Variants in CDHR5 observed in about 807,000 individuals in gnomAD.
The protein encoded by CDHR5 is cadherin related family member 5, also known as cadherin-related family member 5.
Under a neutral mutation model 69.5 loss-of-function variants are expected in CDHR5, and 82 were observed. The observed-to-expected ratio is 1.18, with a 90% CI of 0.99 to 1.42. CDHR5 has a LOEUF of 1.42. Ranked by LOEUF, CDHR5 falls within the 40% of genes most tolerant of loss-of-function variation. The pLI is 0.00. For synonymous variants in CDHR5, 601 were observed against 510.2 expected (o/e 1.18, Z -2.40); for missense variants, 1,293 against 1,168.9 (o/e 1.11, Z -1.55).
Position 621,821 on chromosome 11 carries a change from C to T in CDHR5, c.396G>A (p.Arg132=), listed in dbSNP as rs1334803171. The part of the protein sequence containing the change: ...PEFPFKTKEI[R]VEEDTKVNST... ...GCTTCGCTGGCCTCACCTCCTCCAC[C>T]CTTATCTCCTTGGTCTTAAAGGGGA... The change falls in exon 4 of 15, where the codon AGG becomes AGA. Residue 132 remains arginine, a synonymous_variant. Transcript: ENST00000397542. This position sits in a 1 kb window ranked among gnomAD's most constrained non-coding sequence, Gnocchi z 4.4. 6.2e-7 allele frequency: 1 copy of T among 1,613,172 alleles called. No homozygotes were observed. The highest frequency in any genetic ancestry group is 2.2e-5 in the East Asian group (1 of 44,878).
At position 621,256 on chromosome 11, in the gene CDHR5, A is replaced by T; in HGVS notation, c.619-6T>A. The T allele has an allele frequency of 6.2e-7, 1 of 1,602,964 alleles. No individual in the cohort carries two copies. The highest frequency in any genetic ancestry group is 8.5e-7 in the Non-Finnish European group (1 of 1,173,008). On this transcript the variant is annotated splice_region_variant and splice_polypyrimidine_tract_variant and intron_variant, in intron 6 of 14. Transcript: ENST00000397542. The surrounding 1 kb of genome is among the most constrained non-coding windows in gnomAD (Gnocchi z 4.4). ...ACATTCTCCCCCGGAGTGTCCTGCA[A>T]CAGACGGCTGTGCTGGATCAGGCCT... is the stretch of plus-strand genomic sequence containing the variant.
Position 624,446 on chromosome 11 carries a change from C to T in CDHR5, c.261+111G>A. On this transcript the variant is annotated intron_variant, in intron 2 of 14. Transcript: ENST00000397542. This position sits in a 1 kb window ranked among gnomAD's most constrained non-coding sequence, Gnocchi z 5.3. Reference sequence around the variant, plus strand: ...GGCAGGCACCACCAAGCATGGGTGTCAGTGGATGCCCGCAGGCATAGAACT... The same window carrying T: ...GGCAGGCACCACCAAGCATGGGTGTTAGTGGATGCCCGCAGGCATAGAACT... 9.0e-7 allele frequency: 1 copy of T among 1,110,284 alleles called. No individual in the cohort carries two copies. The highest frequency in any genetic ancestry group is 1.4e-6 in the Non-Finnish European group (1 of 728,552). The allele number at this position is 1,110,284 out of a possible 1,614,324, so 68.8% of individuals were successfully genotyped here. A position where few individuals can be genotyped will look rare whatever the true frequency, so the allele number is the denominator to read the frequency against.
Position 624,563 on chromosome 11 carries a change from A to C in CDHR5, c.255T>G (p.Asp85Glu). ...GNQLFLNVTP[D>E]YEEKSLLEAQ... is the part of the protein sequence containing the mutation. ...GCCCGCCTGCCGCCCACACCTCGTA[A>C]TCAGGAGTCACGTTGAGAAACAGCT... is the stretch of plus-strand genomic sequence containing the variant. Residue 85 changes from aspartate to glutamate, a missense_variant, in exon 2 of 15, where the codon GAT becomes GAG. By Grantham distance (45) the Asp-to-Glu change is conservative. Transcript: ENST00000397542. This position sits in a 1 kb window ranked among gnomAD's most constrained non-coding sequence, Gnocchi z 5.3. The C allele has an allele frequency of 5.0e-6, 8 of 1,606,838 alleles. No homozygotes were observed. The highest frequency in any genetic ancestry group is 6.0e-6 in the Non-Finnish European group (7 of 1,175,102).
rs1018480882 is a variant in CDHR5, at chr11:621,547, G to A, written c.507+15C>T. Reference sequence around the variant, plus strand: ...GGCGAGGGGCTCGTGCTGGGGCAGGGTGGGCGGCACTGACTGCTGTCATTT... The same window carrying A: ...GGCGAGGGGCTCGTGCTGGGGCAGGATGGGCGGCACTGACTGCTGTCATTT... On this transcript the variant is annotated intron_variant, in intron 5 of 14. Transcript: ENST00000397542. The surrounding 1 kb of genome is among the most constrained non-coding windows in gnomAD (Gnocchi z 4.4). 1 of 1,605,056 alleles carries A rather than the reference G, an allele frequency of 6.2e-7. No individual in the cohort carries two copies. Among genetic ancestry groups the A allele is most frequent in the South Asian group, 1.1e-5 (1 of 90,896 alleles).
Position 621,949 on chromosome 11 carries a change from G to T in CDHR5, c.313-45C>A. ...GCCTCTCCCACAGCCCCTCCCCGTT[G>T]TGAGGTGCACCCCTCGACGGCTATC... On this transcript the variant is annotated intron_variant, in intron 3 of 14. Coordinates refer to ENST00000397542, the MANE Select transcript of CDHR5 (RefSeq NM_021924.5). The surrounding 1 kb of genome is among the most constrained non-coding windows in gnomAD (Gnocchi z 4.4). The T allele has an allele frequency of 6.7e-7, 1 of 1,491,958 alleles. No individual in the cohort carries two copies. The allele number at this position is 1,491,958 out of a possible 1,614,324, so 92.4% of individuals were successfully genotyped here. A position where few individuals can be genotyped will look rare whatever the true frequency, so the allele number is the denominator to read the frequency against.
chr11:622,993 C>G (rs1857509431), intron 3 of CDHR5, among the ~76,000 whole-genome samples: 2 of 151,926 alleles, frequency 1.3e-5, no homozygotes, highest in African/African-American at 2.4e-5. Context: ...CATCTTTTTT[C>G]CTGGAGATTT....
At position 624,819 on chromosome 11, in the gene CDHR5, C is replaced by T. The variant is rs202054195; in HGVS notation, c.84G>A (p.Gln28=). 1.2e-6 allele frequency: 2 copies of T among 1,608,728 alleles called. No individual in the cohort carries two copies. The highest frequency in any genetic ancestry group is 8.5e-7 in the Non-Finnish European group (1 of 1,177,978). Residue 28 remains glutamine, a splice_region_variant and synonymous_variant, in exon 1 of 15, where the codon CAG becomes CAA. Transcript: ENST00000397542. This position sits in a 1 kb window ranked among gnomAD's most constrained non-coding sequence, Gnocchi z 5.3. The part of the protein sequence containing the change: ...VRPPGTMAQA[Q]YCSVNKDIFE... ...CCACCTACCCCTGCCCGCACATACA[C>T]TGGGCCTGGGCCATGGTCCCCGGGG... is the stretch of plus-strand genomic sequence containing the variant.
Position 624,574 on chromosome 11 carries a change from C to T in CDHR5, c.244G>A (p.Val82Met), listed in dbSNP as rs779436352. The T allele has an allele frequency of 8.7e-6, 14 of 1,607,372 alleles. No individual in the cohort carries two copies. Among genetic ancestry groups the T allele is most frequent in the South Asian group, 6.6e-5 (6 of 90,612 alleles). ...RIQGNQLFLN[V>M]TPDYEEKSLL... ...GCCCACACCTCGTAATCAGGAGTCA[C>T]GTTGAGAAACAGCTGGTTTCCCTGG... is the stretch of plus-strand genomic sequence containing the variant. Residue 82 changes from valine (V) to methionine (M), a missense_variant, in exon 2 of 15, where the codon GTG (valine) becomes ATG (methionine). Transcript: ENST00000397542. The surrounding 1 kb of genome is among the most constrained non-coding windows in gnomAD (Gnocchi z 5.3).
In CDHR5 at chr11:619,882, C is replaced by G. The variant is rs903214728; in HGVS notation, c.979-1G>C. On this transcript the variant is annotated splice_acceptor_variant, in intron 9 of 14. Coordinates refer to ENST00000397542, the MANE Select transcript of CDHR5 (RefSeq NM_021924.5). LOFTEE classifies it high-confidence loss of function. ...AGCGGGCAAGGTCGGCCTGTTGGCC[C>G]TGGAGGCGGGGGAGGCAGCAGTGAC... 4 of 1,538,862 alleles carry G rather than the reference C, an allele frequency of 2.6e-6. No individual in the cohort carries two copies. Among genetic ancestry groups the G allele is most frequent in the African/African-American group, 1.4e-5 (1 of 73,234 alleles).
rs1408009270 is a variant in CDHR5 at position 619,385 on chromosome 11, C to T, written c.1299G>A (p.Glu433=). The part of the protein sequence containing the change: ...AQAGAFYAEV[E]AHNTVTSGTA... ...TGCCAGAGGTCACCGTGTTGTGGGC[C>T]TCAACCTGGGGCAGGAAGGGGCTTG... is the stretch of plus-strand genomic sequence containing the variant. The change falls in exon 12 of 15, where the codon GAG becomes GAA. Residue 433 remains glutamate (E), a synonymous_variant. Transcript: ENST00000397542. 6.2e-7 allele frequency: 1 copy of T among 1,613,612 alleles called. No homozygotes were observed.
In CDHR5 at chr11:624,733, C is replaced by G; in HGVS notation, c.86-1G>C. The stretch of plus-strand genomic sequence containing the variant: ...AAGATGTCCTTGTTCACAGAGCAGT[C>G]TGTAAGGTTGCAGAGGAGGGATCAG... On this transcript the variant is annotated splice_acceptor_variant, in intron 1 of 14. Coordinates refer to ENST00000397542, the MANE Select transcript of CDHR5 (RefSeq NM_021924.5). LOFTEE classifies it high-confidence loss of function. This position sits in a 1 kb window ranked among gnomAD's most constrained non-coding sequence, Gnocchi z 5.3. The G allele has an allele frequency of 6.2e-7, 1 of 1,605,646 alleles. No homozygotes were observed. Among genetic ancestry groups the G allele is most frequent in the Non-Finnish European group, 8.5e-7 (1 of 1,174,526 alleles).
chr11:623,333 G>A (rs1367717720), intron 3 of CDHR5, among the ~76,000 whole-genome samples: 1 of 152,146 alleles, frequency 6.6e-6, no homozygotes, highest in Non-Finnish European at 1.5e-5. Flanking sequence ...CTCTTTCAGA[G>A]ACATATCCCA....
intron 9 of CDHR5, 64 bp downstream of exon 9, chr11:620,003 A>AC: frequency 2.2e-6 from 1 of 447,298 alleles, no homozygotes; most frequent in South Asian, 1.9e-5. Flanking sequence ...CCCAGCCCTG[A>AC]CCCCCCGCCC....
At position 620,094 on chromosome 11, in the gene CDHR5, G is replaced by A; in HGVS notation, c.951C>T (p.Ser317=). ...TCACCAGCAGAAGGAAGGTCATGGGGCTGGGGACACTCCTGGCCACGGTGA... is the reference window on the plus strand; with the variant it reads ...TCACCAGCAGAAGGAAGGTCATGGGACTGGGGACACTCCTGGCCACGGTGA... The part of the protein sequence containing the change: ...GNLTVARSVP[S]PMTFLLLVKG... Residue 317 remains serine (S), a synonymous_variant, in exon 9 of 15, where the codon AGC becomes AGT. Coordinates refer to ENST00000397542, the MANE Select transcript of CDHR5 (RefSeq NM_021924.5). 2 of 1,613,264 alleles carry A rather than the reference G, an allele frequency of 1.2e-6. No homozygotes were observed. The highest frequency in any genetic ancestry group is 1.7e-6 in the Non-Finnish European group (2 of 1,179,654).
chr11:619,894 G>A lies in CDHR5; in HGVS notation c.979-13C>T, dbSNP rs1294598815. On this transcript the variant is annotated splice_polypyrimidine_tract_variant and intron_variant, in intron 9 of 14. Transcript: ENST00000397542. ...CGGCCTGTTGGCCCTGGAGGCGGGG[G>A]AGGCAGCAGTGACTAGTGGGGTTGA... 18 of 1,528,156 alleles carry A rather than the reference G, an allele frequency of 1.2e-5. No homozygotes were observed. Among genetic ancestry groups the A allele is most frequent in the Non-Finnish European group, 1.4e-5 (16 of 1,139,484 alleles). The allele number at this position is 1,528,156 out of a possible 1,614,324, so 94.7% of individuals were successfully genotyped here.
Position 622,152 on chromosome 11 carries a change from G to A in CDHR5, c.313-248C>T, listed in dbSNP as rs1009476671. Among the ~76,000 whole-genome samples, 3 of 149,612 alleles carry A rather than the reference G, an allele frequency of 2.0e-5. No homozygotes were observed. In the South Asian group the frequency reaches 6.4e-4, roughly 32 times the overall value. The stretch of plus-strand genomic sequence containing the variant: ...CGGCCACCCGTCCCCGCCGTGAGTG[G>A]GGTGCACCCCTCGACGGCCATCCGT... On this transcript the variant is annotated intron_variant, in intron 3 of 14. Coordinates refer to ENST00000397542, the MANE Select transcript of CDHR5 (RefSeq NM_021924.5).
In CDHR5 at chr11:619,036, G is replaced by A. The variant is rs148240719; in HGVS notation, c.1523C>T (p.Thr508Ile). Residue 508 changes from threonine (T) to isoleucine (I), a missense_variant, in exon 13 of 15, where the codon ACA becomes ATA. Thr to Ile is a moderately conservative substitution (Grantham distance 89). Coordinates refer to ENST00000397542, the MANE Select transcript of CDHR5 (RefSeq NM_021924.5). ...GGTGPHPPSG[T>I]TLRPPTSSTP... ...GGACGAGGTTGGTGGCCTCAGAGTT[G>A]TGCCAGAGGGTGGATGAGGGCCTGT... The A allele has an allele frequency of 6.9e-5, 111 of 1,613,306 alleles. No homozygotes were observed. Among genetic ancestry groups the A allele is most frequent in the Middle Eastern group, 3.3e-4 (2 of 6,058 alleles).
chr11:619,131 G>A lies in CDHR5; in HGVS notation c.1428C>T (p.Ser476=). The A allele has an allele frequency of 6.3e-7, 1 of 1,589,016 alleles. No individual in the cohort carries two copies. The highest frequency in any genetic ancestry group is 8.6e-7 in the Non-Finnish European group (1 of 1,169,534). The change falls in exon 13 of 15, where the codon AGC becomes AGT. Residue 476 remains serine, a synonymous_variant. Transcript: ENST00000397542. ...EAGGTTGPWT[S]TTSEVPRPPE... is the part of the protein sequence containing the mutation. ...GGGGTCTGGGGACCTCGGAAGTGGT[G>A]CTGGTCCAGGGCCCAGTTGTTCCTC... is the stretch of plus-strand genomic sequence containing the variant.
At chr11:620,013 C>T in intron 9 of CDHR5, 54 bp downstream of exon 9, 1 of 1,376,888 alleles carries the variant, frequency 7.3e-7, no homozygotes, top group Non-Finnish European at 9.9e-7. Flanking sequence ...ACCCCCCGCC[C>T]TACCTTCCAC....
Sources: allele counts gnomAD v4.1 joint callset (sites outside exome capture counted in the v4.1 genomes callset), GRCh38; gene constraint gnomAD v4.1.1; non-coding constraint Gnocchi (gnomAD v3.1); transcripts MANE v1.5; gene names NCBI Gene and HGNC (gene_info 2026-07-23, HGNC 2026-07-21).